The following TRIM3 variants were observed in gnomAD, a reference collection of about 807,000 sequenced individuals.
TRIM3 encodes the protein tripartite motif-containing protein 3.
Under a neutral mutation model 66.6 loss-of-function variants are expected in TRIM3, and 13 were observed. That is an observed-to-expected ratio of 0.20 (90% CI 0.13 to 0.31). The LOEUF is 0.31. Ranked by LOEUF, TRIM3 falls within the 10% of genes least tolerant of loss-of-function variation. The pLI, the probability that TRIM3 is intolerant of heterozygous loss-of-function variation, is 1.00. For missense variants in TRIM3, 711 were observed against 1,020.4 expected, an observed-to-expected ratio of 0.70 and a Z score of 4.13; for synonymous variants, 406 against 411.7, an observed-to-expected ratio of 0.99 and a Z score of 0.17.
intron 2 of TRIM3, among the ~76,000 whole-genome samples, chr11:6,460,340 G>T (rs1159145325): frequency 6.6e-6 from 1 of 152,178 alleles, no homozygotes; most frequent in African/African-American, 2.4e-5. Context: ...TTCCAATGAG[G>T]AGCTGGTTGA....
chr11:6,451,277 C>T lies in TRIM3; in HGVS notation c.1695G>A (p.Lys565=). 6.2e-7 allele frequency: 1 copy of T among 1,614,140 alleles called. No homozygotes were observed. The highest frequency in any genetic ancestry group is 8.5e-7 in the Non-Finnish European group (1 of 1,180,034). Residue 565 remains lysine (K), a synonymous_variant, in exon 8 of 12, where the codon AAG becomes AAA. Transcript: ENST00000345851. ...RWVSIFSPEG[K]FKTKIGAGRL... ...GTGACAGCAGGCCTCTCACCTTGAA[C>T]TTGCCCTCAGGGGAGAAGATGCTGA...
intron 7 of TRIM3, chr11:6,452,663 C>G (rs1350749498): frequency 2.0e-5 from 3 of 152,254 alleles, no homozygotes; most frequent in Non-Finnish European, 4.4e-5. Context: ...CAGTGGTCCC[C>G]TGTGGCAGGA....
Position 6,456,170 on chromosome 11 carries a change from G to T in TRIM3, c.1435C>A (p.Arg479Ser). ...GTGAATTCACCTTTCTCCCTTCCAC[G>T]ACTGCCTGTGGGAAGGGACAGGAGG... ...EDELVFRVGS[R>S]GREKGEFTNL... Residue 479 changes from arginine (R) to serine (S), a missense_variant, in exon 7 of 12, where the codon CGT (arginine) becomes AGT (serine). By Grantham distance (110) the Arg-to-Ser change is moderately radical (BLOSUM62 -1). This residue lies in a region of TRIM3 where 399 missense variants were observed against 458.1 expected (regional missense o/e 0.87). Transcript: ENST00000345851. This position sits in a 1 kb window ranked among gnomAD's most constrained non-coding sequence, Gnocchi z 6.4. The T allele has an allele frequency of 6.2e-7, 1 of 1,613,992 alleles. No homozygotes were observed. Among genetic ancestry groups the T allele is most frequent in the South Asian group, 1.1e-5 (1 of 91,050 alleles).
In TRIM3 at chr11:6,458,458, T is replaced by C. The variant is rs567273633; in HGVS notation, c.132-162A>G. 5 of 633,126 alleles carry C rather than the reference T, an allele frequency of 7.9e-6. No homozygotes were observed. Among genetic ancestry groups the C allele is most frequent in the East Asian group, 5.5e-5 (2 of 36,102 alleles). 39.2% of individuals were successfully genotyped at this position (633,126 alleles called of 1,614,324 possible). On this transcript the variant is annotated intron_variant, in intron 2 of 11. Transcript: ENST00000345851. This position sits in a 1 kb window ranked among gnomAD's most constrained non-coding sequence, Gnocchi z 6.2. ...ACATCTCATCTGCCAGCAGGTATAA[T>C]GGCCTTGCCCCTTACAACTGAGTAG...
In TRIM3 at chr11:6,457,851, C is replaced by T. The variant is rs566535225; in HGVS notation, c.364-4G>A. The stretch of plus-strand genomic sequence containing the variant: ...CCTCACAGTAAAACTCCATCGTCTG[C>T]GGTACAAGGACTCCAGTCGGGTAAT... On this transcript the variant is annotated splice_polypyrimidine_tract_variant and splice_region_variant and intron_variant, in intron 3 of 11. Coordinates refer to ENST00000345851, the MANE Select transcript of TRIM3 (RefSeq NM_033278.4). This position sits in a 1 kb window ranked among gnomAD's most constrained non-coding sequence, Gnocchi z 4.5. 12 of 1,614,156 alleles carry T rather than the reference C, an allele frequency of 7.4e-6. No individual in the cohort carries two copies. The highest frequency in any genetic ancestry group is 1.7e-5 in the Admixed American group (1 of 60,026).
intron 1 of TRIM3, among the ~76,000 whole-genome samples, chr11:6,466,322 A>T (rs1042584284): frequency 5.9e-5 from 9 of 152,288 alleles, no homozygotes; most frequent in South Asian, 4.2e-4. Flanking sequence ...ACTACCCCTA[A>T]TTCAGGCAAC....
chr11:6,472,509 C>A (rs1850722751), intron 1 of TRIM3, among the ~76,000 whole-genome samples: 1 of 150,294 alleles, frequency 6.7e-6, no homozygotes, highest in Non-Finnish European at 1.5e-5. Context: ...TCTATTCTAA[C>A]CATATGGTTT....
At position 6,450,883 on chromosome 11, in the gene TRIM3, C is replaced by T; in HGVS notation, c.1870+9G>A. On this transcript the variant is annotated intron_variant, in intron 9 of 11. Coordinates refer to ENST00000345851, the MANE Select transcript of TRIM3 (RefSeq NM_033278.4). This position sits in a 1 kb window ranked among gnomAD's most constrained non-coding sequence, Gnocchi z 4.8. ...TATCAGCATAGATCTTGGAGCTGTC[C>T]CCCTATACCTGCAAAGTGGCGGTCA... 2 of 1,613,958 alleles carry T rather than the reference C, an allele frequency of 1.2e-6. No individual in the cohort carries two copies. Among genetic ancestry groups the T allele is most frequent in the South Asian group, 1.1e-5 (1 of 91,078 alleles).
At chr11:6,472,833 A>T (rs1390345320) in intron 1 of TRIM3, among the ~76,000 whole-genome samples, 1 of 152,230 alleles carries the variant, frequency 6.6e-6, no homozygotes, top group African/African-American at 2.4e-5. Flanking sequence ...ATACAAGCCC[A>T]AGGAGGCAGG....
Position 6,450,094 on chromosome 11 carries a change from C to T in TRIM3, c.1941+457G>A, listed in dbSNP as rs1308453391. On this transcript the variant is annotated intron_variant, in intron 10 of 11. Transcript: ENST00000345851. This position sits in a 1 kb window ranked among gnomAD's most constrained non-coding sequence, Gnocchi z 4.8. ...TGAACTACTTGTGATTTCTCGAACA[C>T]ACTATTAAGGTTCCCACCTTGCATT... 1 of 163,438 alleles carries T rather than the reference C, an allele frequency of 6.1e-6. No homozygotes were observed. The highest frequency in any genetic ancestry group is 2.4e-5 in the African/African-American group (1 of 41,616). 10.1% of individuals were successfully genotyped at this position (163,438 alleles called of 1,614,324 possible). A position where few individuals can be genotyped will look rare whatever the true frequency, so the allele number is the denominator to read the frequency against.
At chr11:6,451,112 A>C in intron 8 of TRIM3, 52 bp from the exon 9 acceptor site, 4 of 1,608,778 alleles carry the variant, frequency 2.5e-6, no homozygotes, top group Non-Finnish European at 2.6e-6. Flanking sequence ...TGGGGAAAGT[A>C]GTCCTAACCC....
At chr11:6,463,346 T>G (rs1850321948) in intron 2 of TRIM3, among the ~76,000 whole-genome samples, 1 of 152,284 alleles carries the variant, frequency 6.6e-6, no homozygotes, top group Non-Finnish European at 1.5e-5. Context: ...TATAAATCAC[T>G]TAGCCAGTCC....
intron 2 of TRIM3, among the ~76,000 whole-genome samples, chr11:6,464,503 T>C (rs1321705382): frequency 6.6e-6 from 1 of 152,236 alleles, no homozygotes; most frequent in Non-Finnish European, 1.5e-5. Context: ...TACTAAAAGT[T>C]ATATTTATCT....
rs1850055274 is a variant in TRIM3 at position 6,457,666 on chromosome 11, C to T, written c.515+30G>A. 8 of 1,598,016 alleles carry T rather than the reference C, an allele frequency of 5.0e-6. No individual in the cohort carries two copies. The highest frequency in any genetic ancestry group is 6.8e-6 in the Non-Finnish European group (8 of 1,168,882). Reference sequence around the variant, plus strand: ...AGCTAAGACACCATCCCTGTGGCCCCACCAGCCCAGGACCCTGCCCAGTGC... The same window carrying T: ...AGCTAAGACACCATCCCTGTGGCCCTACCAGCCCAGGACCCTGCCCAGTGC... On this transcript the variant is annotated intron_variant, in intron 4 of 11. Coordinates refer to ENST00000345851, the MANE Select transcript of TRIM3 (RefSeq NM_033278.4). The surrounding 1 kb of genome is among the most constrained non-coding windows in gnomAD (Gnocchi z 4.5).
chr11:6,448,729 C>G lies in TRIM3; in HGVS notation c.*299G>C. 3.3e-6 allele frequency: 2 copies of G among 611,824 alleles called. No homozygotes were observed. The highest frequency in any genetic ancestry group is 4.0e-5 in the South Asian group (2 of 50,382). The allele number at this position is 611,824 out of a possible 1,614,324, so 37.9% of individuals were successfully genotyped here. A position where few individuals can be genotyped will look rare whatever the true frequency, so the allele number is the denominator to read the frequency against. ...CCTGTCCTGGGGTAGGCTGTTCTGG[C>G]CCCAGGCTGGGGGATGGGGAGCAGA... On this transcript the variant is annotated 3_prime_UTR_variant, in exon 12 of 12. Coordinates refer to ENST00000345851, the MANE Select transcript of TRIM3 (RefSeq NM_033278.4).
intron 2 of TRIM3, among the ~76,000 whole-genome samples, chr11:6,460,096 G>T (rs190254456): frequency 6.6e-6 from 1 of 152,228 alleles, no homozygotes; most frequent in Non-Finnish European, 1.5e-5. Context: ...AGACCAGGCC[G>T]AGAGGCAGGA....
intron 7 of TRIM3, among the ~76,000 whole-genome samples, chr11:6,454,151 G>A (rs1849864364): frequency 6.6e-6 from 1 of 152,174 alleles, no homozygotes; most frequent in African/African-American, 2.4e-5. Context: ...GGCCAAGGCA[G>A]GAGGATAGCT....
intron 1 of TRIM3, chr11:6,473,364 G>T (rs1850778080): frequency 7.1e-6 from 1 of 141,618 alleles, no homozygotes; most frequent in Admixed American, 7.0e-5. Context: ...TGGAAGGGGC[G>T]GGGGGTGGGG....
In TRIM3 at chr11:6,457,443, G is replaced by A. The variant is rs75553923; in HGVS notation, c.549C>T (p.Val183=). The change falls in exon 5 of 12, where the codon GTC becomes GTT. Residue 183 remains valine, a synonymous_variant. Coordinates refer to ENST00000345851, the MANE Select transcript of TRIM3 (RefSeq NM_033278.4). The surrounding 1 kb of genome is among the most constrained non-coding windows in gnomAD (Gnocchi z 4.5). The part of the protein sequence containing the change: ...LPQLSAAIAL[V]GGISQQLQER... The stretch of plus-strand genomic sequence containing the variant: ...CCTGCAGCTGCTGGCTGATGCCCCC[G>A]ACTAAGGCAATTGCTGCGGACAGCT... The A allele has an allele frequency of 4.5e-4, 726 of 1,613,200 alleles. 2 individuals carry two copies. The East Asian group carries it at 8.6e-3, about 19-fold the overall frequency.
Sources: gnomAD v4.1 joint callset for allele counts (sites outside exome capture counted in the v4.1 genomes callset) on GRCh38, gnomAD v4.1.1 for gene constraint, gnomAD v4.1.1 regional missense constraint, Gnocchi (gnomAD v3.1) non-coding constraint, MANE v1.5 for transcripts, NCBI Gene and HGNC (gene_info 2026-07-23, HGNC 2026-07-21) for gene names.